EFNA5: variants seen among roughly 807,000 people sequenced by gnomAD.
EFNA5 encodes the protein ephrin A5.
Under a neutral mutation model 22.9 loss-of-function variants are expected in EFNA5, and 5 were observed. That is an observed-to-expected ratio of 0.22 (90% CI 0.11 to 0.46). The LOEUF (loss-of-function observed/expected upper bound fraction) is 0.46, where lower values mean the gene tolerates loss of function less well. Among genes scored for constraint, EFNA5 ranks in the 20% least tolerant of loss-of-function variants. EFNA5 has a pLI of 0.99. For synonymous variants in EFNA5, 113 were observed against 112.2 expected (o/e 1.01, Z -0.04); for missense variants, 237 against 293.3 (o/e 0.81, Z 1.40).
At chr5:107,548,203 C>G (rs559461631) in intron 1 of EFNA5, among the ~76,000 whole-genome samples, 1 of 152,074 alleles carries the variant, frequency 6.6e-6, no homozygotes, top group Non-Finnish European at 1.5e-5. Context: ...CTTCAGAATC[C>G]AATTCATTAT....
intron 1 of EFNA5, among the ~76,000 whole-genome samples, chr5:107,608,783 T>C (rs981390061): frequency 2.0e-5 from 3 of 152,208 alleles, no homozygotes; most frequent in African/African-American, 7.2e-5. Flanking sequence ...CACAATGGCA[T>C]TAATGATGGC....
chr5:107,573,339 CA>C (rs1200095979), intron 1 of EFNA5, among the ~76,000 whole-genome samples: 2 of 151,942 alleles, frequency 1.3e-5, no homozygotes, highest in African/African-American at 2.4e-5. Flanking sequence ...CATATGAAAC[CA>C]GGGGGTAAGA....
Position 107,670,474 on chromosome 5 carries a change from C to CT in EFNA5, c.125+14dup. 1 of 1,554,034 alleles carries CT rather than the reference C, an allele frequency of 6.4e-7. No homozygotes were observed. The highest frequency in any genetic ancestry group is 8.7e-7 in the Non-Finnish European group (1 of 1,148,224). ...GGCCCGGGTAGCCCTGGCTCTCCGC[C>CT]TGTTATCGGCTTACCTGGGGTTGCT... On this transcript the variant is annotated intron_variant, in intron 1 of 4. Transcript: ENST00000333274.
At chr5:107,617,053 A>T (rs542898609) in intron 1 of EFNA5, among the ~76,000 whole-genome samples, 1 of 152,194 alleles carries the variant, frequency 6.6e-6, no homozygotes, top group Non-Finnish European at 1.5e-5. Context: ...AGGATCACCA[A>T]GAACCAAATC....
At chr5:107,610,158 G>A (rs903302078) in intron 1 of EFNA5, among the ~76,000 whole-genome samples, 2 of 152,198 alleles carry the variant, frequency 1.3e-5, no homozygotes, top group African/African-American at 4.8e-5. Context: ...TAGTAGAGCT[G>A]CCTTCTTTCA....
chr5:107,480,164 G>T (rs959946045), intron 1 of EFNA5, among the ~76,000 whole-genome samples: 1 of 152,080 alleles, frequency 6.6e-6, no homozygotes, highest in African/African-American at 2.4e-5. Context: ...CAAAGCTCTA[G>T]TTAAAATGGG....
intron 1 of EFNA5, among the ~76,000 whole-genome samples, chr5:107,609,810 GC>G (rs1749792843): frequency 6.6e-6 from 1 of 152,122 alleles, no homozygotes; most frequent in Non-Finnish European, 1.5e-5. Context: ...CCTGCCCGCC[GC>G]CGACTAGAAT....
At chr5:107,429,106 C>T (rs749596061) in intron 1 of EFNA5, among the ~76,000 whole-genome samples, 1 of 152,234 alleles carries the variant, frequency 6.6e-6, no homozygotes, top group African/African-American at 2.4e-5. Context: ...AACATAATAA[C>T]GACCTCTGAC....
intron 1 of EFNA5, among the ~76,000 whole-genome samples, chr5:107,601,265 G>A (rs188606573): frequency 6.6e-6 from 1 of 152,294 alleles, no homozygotes; most frequent in Admixed American, 6.5e-5. Context: ...AACTCATGAC[G>A]CAATCTTACC....
chr5:107,611,114 A>G (rs2112520771), intron 1 of EFNA5, among the ~76,000 whole-genome samples: 2 of 152,314 alleles, frequency 1.3e-5, no homozygotes, highest in South Asian at 4.1e-4. Context: ...TATGAAGCCC[A>G]GCATGAACTG....
intron 1 of EFNA5, among the ~76,000 whole-genome samples, chr5:107,457,598 A>G (rs912062915): frequency 6.6e-6 from 1 of 152,184 alleles, no homozygotes; most frequent in Non-Finnish European, 1.5e-5. Context: ...AATATTTTCA[A>G]TCCAAGGTTG....
intron 1 of EFNA5, among the ~76,000 whole-genome samples, chr5:107,659,937 AGGAT>A (rs1750911028): frequency 6.6e-6 from 1 of 151,870 alleles, no homozygotes; most frequent in Non-Finnish European, 1.5e-5. Flanking sequence ...CAGAGAACAG[AGGAT>A]GAAGGTAAAC....
At chr5:107,400,047 T>C (rs1748044631) in intron 2 of EFNA5, among the ~76,000 whole-genome samples, 2 of 152,204 alleles carry the variant, frequency 1.3e-5, no homozygotes, top group Admixed American at 1.3e-4. Context: ...TATTTTAAAA[T>C]TTAATTTATT....
intron 1 of EFNA5, among the ~76,000 whole-genome samples, chr5:107,450,209 T>C (rs894488830): frequency 6.6e-6 from 1 of 152,206 alleles, no homozygotes; most frequent in African/African-American, 2.4e-5. Flanking sequence ...TTGGTCATTT[T>C]GATTCACTGA....
chr5:107,645,272 T>G (rs937772504), intron 1 of EFNA5, among the ~76,000 whole-genome samples: 1 of 152,198 alleles, frequency 6.6e-6, no homozygotes, highest in Admixed American at 6.5e-5. Flanking sequence ...TAAATCTGCC[T>G]TGTAGAAGTT....
At chr5:107,499,706 G>A (rs1344690590) in intron 1 of EFNA5, among the ~76,000 whole-genome samples, 1 of 152,174 alleles carries the variant, frequency 6.6e-6, no homozygotes, top group Non-Finnish European at 1.5e-5. Context: ...TAGAGCTGCA[G>A]TTAGCAGGGT....
At chr5:107,554,594 T>A (rs929666889) in intron 1 of EFNA5, among the ~76,000 whole-genome samples, 3 of 152,232 alleles carry the variant, frequency 2.0e-5, no homozygotes, top group Middle Eastern at 3.4e-3. Context: ...ATTTCAGAAT[T>A]AAAAAGGAGG....
At chr5:107,481,149 A>T (rs1750448764) in intron 1 of EFNA5, among the ~76,000 whole-genome samples, 1 of 152,220 alleles carries the variant, frequency 6.6e-6, no homozygotes, top group Non-Finnish European at 1.5e-5. Flanking sequence ...GACAGGCAAA[A>T]GCCAGAAATA....
chr5:107,427,804 T>C (rs1748845920), intron 1 of EFNA5, among the ~76,000 whole-genome samples: 1 of 152,162 alleles, frequency 6.6e-6, no homozygotes, highest in Admixed American at 6.5e-5. Context: ...ACTGTGGAAC[T>C]CTATAGAGGT....
Sources: allele counts gnomAD v4.1 joint callset (sites outside exome capture counted in the v4.1 genomes callset), GRCh38; gene constraint gnomAD v4.1.1; transcripts MANE v1.5; gene names NCBI Gene and HGNC (gene_info 2026-07-23, HGNC 2026-07-21).